TRERF1: variants seen among roughly 807,000 people sequenced by gnomAD.
TRERF1 encodes transcriptional-regulating factor 1.
Under a neutral mutation model 122.9 loss-of-function variants are expected in TRERF1, and 27 were observed. The observed-to-expected ratio is 0.22, with a 90% CI of 0.16 to 0.30. TRERF1 has a LOEUF of 0.30. Ranked by LOEUF, TRERF1 falls within the 10% of genes least tolerant of loss-of-function variation. The pLI is 1.00. For missense variants in TRERF1, 1,248 were observed against 1,560.3 expected (o/e 0.80, Z 3.37); for synonymous variants, 636 against 641.7 (o/e 0.99, Z 0.13).
intron 3 of TRERF1, among the ~76,000 whole-genome samples, chr6:42,339,519 T>C (rs1766841154): frequency 6.6e-6 from 1 of 152,260 alleles, no homozygotes; most frequent in Admixed American, 6.5e-5. Flanking sequence ...TAGCTACGAA[T>C]TGTACCCAAA....
intron 3 of TRERF1, among the ~76,000 whole-genome samples, chr6:42,308,308 A>T (rs1210110555): frequency 6.6e-6 from 1 of 152,268 alleles, no homozygotes; most frequent in East Asian, 1.9e-4. Context: ...AAACACTAAT[A>T]CATGCAACAA....
At chr6:42,298,606 A>T (rs1582891166) in intron 4 of TRERF1, among the ~76,000 whole-genome samples, 1 of 142,618 alleles carries the variant, frequency 7.0e-6, no homozygotes, top group Non-Finnish European at 1.5e-5. Context: ...GGAGTTCGAG[A>T]CCAGCCTGGC....
rs1405280462 is a variant in TRERF1, at chr6:42,232,880, G to A, written c.3079C>T (p.Arg1027Ter). ...CGGGCATGGCCATTCAGTGCCTGTC[G>A]GGAGCTGAACACCTGGGGAAGAAAG... The change falls in exon 17 of 18, where the codon CGA becomes TGA. Residue 1027 changes from arginine to a stop codon, truncating the protein, a stop_gained. Transcript: ENST00000372922. LOFTEE classifies it high-confidence loss of function. The surrounding 1 kb of genome is among the most constrained non-coding windows in gnomAD (Gnocchi z 4.5). 3 of 1,602,662 alleles carry A rather than the reference G, an allele frequency of 1.9e-6. No individual in the cohort carries two copies. Among genetic ancestry groups the A allele is most frequent in the Non-Finnish European group, 2.6e-6 (3 of 1,173,842 alleles).
chr6:42,262,755 T>C (rs190171437), intron 8 of TRERF1, among the ~76,000 whole-genome samples: 3 of 152,300 alleles, frequency 2.0e-5, no homozygotes, highest in Admixed American at 2.0e-4. Context: ...TTGGGAACTT[T>C]AACGAATTAG....
intron 3 of TRERF1, among the ~76,000 whole-genome samples, chr6:42,318,373 G>A (rs1762848180): frequency 6.6e-6 from 1 of 152,162 alleles, no homozygotes; most frequent in South Asian, 2.1e-4. Flanking sequence ...GCTGTGGGGA[G>A]GGCTAACATT....
At chr6:42,236,154 C>A in intron 16 of TRERF1, 51 bp downstream of exon 16, 3 of 1,523,502 alleles carry the variant, frequency 2.0e-6, no homozygotes, top group South Asian at 2.7e-5. Context: ...CCAGGCACAG[C>A]TATATGGCTC....
chr6:42,268,399 G>A lies in TRERF1; in HGVS notation c.1192C>T (p.Gln398Ter). ...TGACTGTCCTCACGCTGCTGGTGCTGGGACAGGTGGCTCTGCTGGTAGAGG... is the reference window on the plus strand; with the variant it reads ...TGACTGTCCTCACGCTGCTGGTGCTAGGACAGGTGGCTCTGCTGGTAGAGG... Residue 398 changes from glutamine (Q) to a stop codon, truncating the protein, a stop_gained, in exon 5 of 18, where the codon CAG becomes TAG. Transcript: ENST00000372922. LOFTEE classifies it high-confidence loss of function. This position sits in a 1 kb window ranked among gnomAD's most constrained non-coding sequence, Gnocchi z 4.4. 1 of 1,549,884 alleles carries A rather than the reference G, an allele frequency of 6.5e-7. No homozygotes were observed. Among genetic ancestry groups the A allele is most frequent in the Non-Finnish European group, 8.7e-7 (1 of 1,149,054 alleles).
In TRERF1 at chr6:42,228,016, G is replaced by A. The variant is rs1042380811; in HGVS notation, c.*329C>T. 4.7e-6 allele frequency: 1 copy of A among 212,802 alleles called. No individual in the cohort carries two copies. Among genetic ancestry groups the A allele is most frequent in the Non-Finnish European group, 9.3e-6 (1 of 107,852 alleles). The allele number at this position is 212,802 out of a possible 1,614,324, so 13.2% of individuals were successfully genotyped here. A position where few individuals can be genotyped will look rare whatever the true frequency, so the allele number is the denominator to read the frequency against. On this transcript the variant is annotated 3_prime_UTR_variant, in exon 18 of 18. Coordinates refer to ENST00000372922, the Ensembl canonical transcript of TRERF1. This position sits in a 1 kb window ranked among gnomAD's most constrained non-coding sequence, Gnocchi z 4.2. The stretch of plus-strand genomic sequence containing the variant: ...ACTCACAGCAAGCTTTGGGATAAAA[G>A]GCAACCGGGATGGTTGACATCTGAA...
chr6:42,420,978 G>A (rs1782674062), intron 2 of TRERF1, among the ~76,000 whole-genome samples: 1 of 152,224 alleles, frequency 6.6e-6, no homozygotes. Flanking sequence ...TCCATCCACG[G>A]TTCTTCCTAC....
chr6:42,403,246 T>C (rs1779678096), intron 2 of TRERF1, among the ~76,000 whole-genome samples: 1 of 152,012 alleles, frequency 6.6e-6, no homozygotes, highest in African/African-American at 2.4e-5. Context: ...CTCCCAAAAA[T>C]TCACGGCCAC....
intron 2 of TRERF1, among the ~76,000 whole-genome samples, chr6:42,379,121 A>T (rs1169181858): frequency 2.7e-4 from 33 of 123,078 alleles, no homozygotes; most frequent in African/African-American, 1.3e-3. Flanking sequence ...GCTTGTCTCA[A>T]AAAAAAATTT....
chr6:42,280,272 C>T (rs1351805425), intron 4 of TRERF1, among the ~76,000 whole-genome samples: 3 of 152,212 alleles, frequency 2.0e-5, no homozygotes, highest in Non-Finnish European at 4.4e-5. Context: ...GGACCTCTGG[C>T]AACTAGGGCT....
intron 3 of TRERF1, among the ~76,000 whole-genome samples, chr6:42,360,688 C>T (rs1771538373): frequency 6.6e-6 from 1 of 150,916 alleles, no homozygotes; most frequent in South Asian, 2.1e-4. Flanking sequence ...CCCCCAGCCT[C>T]CCCACAGCCT....
In TRERF1 at chr6:42,327,196, G is replaced by A. The variant is rs535866820; in HGVS notation, c.-370-26447C>T. On this transcript the variant is annotated intron_variant, in intron 3 of 17. Transcript: ENST00000372922. ...GGTAGGAGAAGGGGATGTGCTTGTT[G>A]TTCCCTGGTCCCAGAATAAGTATAC... 8.0e-4 allele frequency among the ~76,000 whole-genome samples: 122 copies of A among 152,302 alleles called. 1 individual carries two copies. Among genetic ancestry groups the A allele is most frequent in the African/African-American group, 2.9e-3 (120 of 41,568 alleles).
At chr6:42,225,026 C>A, downstream of TRERF1, 1 of 152,026 alleles carries the variant, frequency 6.6e-6, no homozygotes, top group Non-Finnish European at 1.5e-5. Context: ...TTGGTTACAT[C>A]TCCATTTGAT....
rs546714186 is a variant in TRERF1, at chr6:42,252,502, G to A, written c.2656+2349C>T. Among the ~76,000 whole-genome samples the A allele has an allele frequency of 2.0e-5, 3 of 152,294 alleles. No homozygotes were observed. In the South Asian group the frequency reaches 6.2e-4, roughly 32 times the overall value. Reference sequence around the variant, plus strand: ...TGGTGACACTGGCCACAGCCACAGAGTCAGGAGCCAAAGGAGATCCAGAAG... The same window carrying A: ...TGGTGACACTGGCCACAGCCACAGAATCAGGAGCCAAAGGAGATCCAGAAG... On this transcript the variant is annotated intron_variant, in intron 13 of 17. Transcript: ENST00000372922.
chr6:42,354,022 A>ATATTC (rs1458222327), intron 3 of TRERF1, among the ~76,000 whole-genome samples: 1 of 152,204 alleles, frequency 6.6e-6, no homozygotes, highest in Non-Finnish European at 1.5e-5. Flanking sequence ...AGTAGCTAGA[A>ATATTC]TATATGTACC....
chr6:42,292,385 T>C (rs2150157138), intron 4 of TRERF1, among the ~76,000 whole-genome samples: 1 of 152,282 alleles, frequency 6.6e-6, no homozygotes, highest in East Asian at 1.9e-4. Flanking sequence ...ACCAATGACC[T>C]TGCTTACTCT....
At chr6:42,285,694 G>C (rs1459536155) in intron 4 of TRERF1, among the ~76,000 whole-genome samples, 4 of 151,168 alleles carry the variant, frequency 2.6e-5, no homozygotes, top group Non-Finnish European at 5.9e-5. Context: ...TAGCATGAAG[G>C]GTTGTTGAAT....
Sources: gnomAD v4.1 joint callset for allele counts (sites outside exome capture counted in the v4.1 genomes callset) on GRCh38, gnomAD v4.1.1 for gene constraint, Gnocchi (gnomAD v3.1) non-coding constraint, MANE v1.5 for transcripts, NCBI Gene and HGNC (gene_info 2026-07-23, HGNC 2026-07-21) for gene names.